RSPO2: variants seen among roughly 807,000 people sequenced by gnomAD.
RSPO2 encodes the protein R-spondin 2, also known as R-spondin-2.
Under a neutral mutation model 30.9 loss-of-function variants are expected in RSPO2, and 14 were observed. That is an observed-to-expected ratio of 0.45 (90% CI 0.30 to 0.71). RSPO2 has a LOEUF of 0.71. Ranked by LOEUF, RSPO2 falls within the 30% of genes least tolerant of loss-of-function variation. The pLI is 0.08. For synonymous variants in RSPO2, 107 were observed against 96.4 expected, an observed-to-expected ratio of 1.11 and a Z score of -0.64; for missense variants, 264 against 301.9, an observed-to-expected ratio of 0.87 and a Z score of 0.93.
chr8:107,920,543 T>C (rs988394290), intron 5 of RSPO2, among the ~76,000 whole-genome samples: 2 of 152,064 alleles, frequency 1.3e-5, no homozygotes, highest in African/African-American at 4.8e-5. Context: ...AAAAGAAAAG[T>C]AGGATTCAAG....
At position 108,073,032 on chromosome 8, in the gene RSPO2, T is replaced by C. The variant is rs548065493; in HGVS notation, c.94+9513A>G. On this transcript the variant is annotated intron_variant, in intron 2 of 5. Coordinates refer to ENST00000276659, the MANE Select transcript of RSPO2 (RefSeq NM_178565.5). ...CTGTAGAAGCTGGAATCTACCTGCA[T>C]GTTAATTAAATCTGTAGCTTTCACA... is the stretch of plus-strand genomic sequence containing the variant. The C allele has an allele frequency of 1.5e-3, 235 of 152,346 alleles. 2 individuals carry two copies. The highest frequency in any genetic ancestry group is 5.5e-3 in the African/African-American group (229 of 41,596). The allele number at this position is 152,346 out of a possible 1,614,324, so 9.4% of individuals were successfully genotyped here. A position where few individuals can be genotyped will look rare whatever the true frequency, so the allele number is the denominator to read the frequency against.
intron 2 of RSPO2, among the ~76,000 whole-genome samples, chr8:107,993,514 G>A (rs1814919257): frequency 6.6e-6 from 1 of 152,090 alleles, no homozygotes; most frequent in South Asian, 2.1e-4. Context: ...AGGGTCAAAG[G>A]CAGGCACGGC....
chr8:108,063,379 CACCAATA>C (rs1159949204), intron 2 of RSPO2, among the ~76,000 whole-genome samples: 3 of 151,792 alleles, frequency 2.0e-5, no homozygotes, highest in African/African-American at 7.3e-5. Context: ...CATTCTTATA[CACCAATA>C]ACAGACAAAA....
intron 3 of RSPO2, among the ~76,000 whole-genome samples, chr8:107,964,380 T>C (rs1021119828): frequency 6.6e-6 from 1 of 152,186 alleles, no homozygotes; most frequent in Non-Finnish European, 1.5e-5. Flanking sequence ...TAGCTGAGAT[T>C]ACAGGCATCA....
At chr8:107,948,886 T>A (rs533389506) in intron 5 of RSPO2, among the ~76,000 whole-genome samples, 137 of 148,786 alleles carry the variant, frequency 9.2e-4, no homozygotes, top group Middle Eastern at 3.6e-3. Context: ...AATAAATAAA[T>A]AAAAATCTAT....
At chr8:108,036,124 G>A (rs1811588061) in intron 2 of RSPO2, among the ~76,000 whole-genome samples, 2 of 152,048 alleles carry the variant, frequency 1.3e-5, no homozygotes, top group South Asian at 2.1e-4. Flanking sequence ...ACTAATACAG[G>A]TGATTTGCTA....
intron 2 of RSPO2, among the ~76,000 whole-genome samples, chr8:108,078,331 A>G (rs1251330108): frequency 6.6e-6 from 1 of 152,226 alleles, no homozygotes; most frequent in African/African-American, 2.4e-5. Flanking sequence ...ATCAAAAAAG[A>G]GAAAAGAACA....
At chr8:108,080,353 A>ATT (rs111813775) in intron 2 of RSPO2, among the ~76,000 whole-genome samples, 9 of 150,218 alleles carry the variant, frequency 6.0e-5, no homozygotes, top group Middle Eastern at 3.4e-3. Flanking sequence ...AAAAAGTTTG[A>ATT]TTTTTTTTTT....
rs546776738 is a variant in RSPO2, at chr8:107,900,778, G to A, written c.*297C>T. On this transcript the variant is annotated 3_prime_UTR_variant, in exon 6 of 6. Transcript: ENST00000276659. ...AATAGGCACAAGTCCGTCCTCCAGC[G>A]GTGTTCTGCAGCCTCACACCTCTAG... 8 of 282,496 alleles carry A rather than the reference G, an allele frequency of 2.8e-5. No individual in the cohort carries two copies. Among genetic ancestry groups the A allele is most frequent in the South Asian group, 1.3e-4 (1 of 7,494 alleles). The allele number at this position is 282,496 out of a possible 1,614,324, so 17.5% of individuals were successfully genotyped here. A position where few individuals can be genotyped will look rare whatever the true frequency, so the allele number is the denominator to read the frequency against.
At position 108,082,706 on chromosome 8, in the gene RSPO2, G is replaced by A. The variant is rs1285004252; in HGVS notation, c.-68C>T. 14 of 1,371,744 alleles carry A rather than the reference G, an allele frequency of 1.0e-5. No homozygotes were observed. Among genetic ancestry groups the A allele is most frequent in the East Asian group, 2.3e-5 (1 of 43,398 alleles). The allele number at this position is 1,371,744 out of a possible 1,614,324, so 85.0% of individuals were successfully genotyped here. A position where few individuals can be genotyped will look rare whatever the true frequency, so the allele number is the denominator to read the frequency against. ...AACTGGAGGGTTCGCCCAAAGAGCC[G>A]GCGCCGGCCGCGCTGCTGGGGAGGA... On this transcript the variant is annotated 5_prime_UTR_variant, in exon 2 of 6. Coordinates refer to ENST00000276659, the MANE Select transcript of RSPO2 (RefSeq NM_178565.5).
intron 5 of RSPO2, among the ~76,000 whole-genome samples, chr8:107,957,219 A>G (rs1162199807): frequency 6.6e-6 from 1 of 152,252 alleles, no homozygotes; most frequent in African/African-American, 2.4e-5. Context: ...AGAAAGAATG[A>G]AGGCAAACAA....
chr8:107,986,326 A>T (rs557166320), intron 3 of RSPO2, among the ~76,000 whole-genome samples: 44 of 152,272 alleles, frequency 2.9e-4, no homozygotes, highest in Admixed American at 9.2e-4. Context: ...TCCTGCTTGT[A>T]CCAGGTAATG....
intron 2 of RSPO2, among the ~76,000 whole-genome samples, chr8:107,993,550 T>C (rs1814919936): frequency 6.6e-6 from 1 of 152,138 alleles, no homozygotes; most frequent in Admixed American, 6.5e-5. Context: ...GAAATAAGAC[T>C]ACTACATGCC....
chr8:107,967,688 T>C (rs1813852882), intron 3 of RSPO2, among the ~76,000 whole-genome samples: 1 of 152,162 alleles, frequency 6.6e-6, no homozygotes, highest in Admixed American at 6.6e-5. Context: ...TAAATCAAGA[T>C]TGCCTTAATT....
At chr8:107,973,280 A>AAGG in intron 3 of RSPO2, among the ~76,000 whole-genome samples, 1 of 148,798 alleles carries the variant, frequency 6.7e-6, no homozygotes, top group African/African-American at 2.6e-5. Context: ...AAAAAAAAAA[A>AAGG]TGGGGGGGGA....
intron 3 of RSPO2, among the ~76,000 whole-genome samples, chr8:107,975,473 C>A (rs538263111): frequency 6.6e-6 from 1 of 152,286 alleles, no homozygotes; most frequent in East Asian, 1.9e-4. Flanking sequence ...AGTTCACTTG[C>A]CTCTGGTAGT....
chr8:107,987,556 C>T (rs571038656), intron 3 of RSPO2, among the ~76,000 whole-genome samples: 2 of 152,162 alleles, frequency 1.3e-5, no homozygotes, highest in Admixed American at 6.5e-5. Flanking sequence ...TTGCTTATAA[C>T]AGTAGTGAAG....
intron 5 of RSPO2, among the ~76,000 whole-genome samples, chr8:107,928,931 C>A (rs1812466426): frequency 6.6e-6 from 1 of 152,160 alleles, no homozygotes; most frequent in African/African-American, 2.4e-5. Context: ...CAGAGAATGT[C>A]AATGAGACCA....
chr8:107,952,485 AT>A (rs1813286579), intron 5 of RSPO2, among the ~76,000 whole-genome samples: 1 of 152,210 alleles, frequency 6.6e-6, no homozygotes, highest in South Asian at 2.1e-4. Flanking sequence ...TCTTCTTCAC[AT>A]AAAAATTTTA....
Sources: allele counts gnomAD v4.1 joint callset (sites outside exome capture counted in the v4.1 genomes callset), GRCh38; gene constraint gnomAD v4.1.1; transcripts MANE v1.5; gene names NCBI Gene and HGNC (gene_info 2026-07-23, HGNC 2026-07-21).